Variants in DCC observed in about 807,000 individuals in gnomAD.
DCC encodes netrin receptor DCC.
Under a neutral mutation model 172.5 loss-of-function variants are expected in DCC, and 58 were observed. The observed-to-expected ratio is 0.34, with a 90% CI of 0.27 to 0.42. The LOEUF (loss-of-function observed/expected upper bound fraction) is 0.42, where lower values mean the gene tolerates loss of function less well. Among genes scored for constraint, DCC ranks in the 10% least tolerant of loss-of-function variants. The pLI is 1.00. For missense variants in DCC, 1,740 were observed against 1,791.0 expected, an observed-to-expected ratio of 0.97 and a Z score of 0.51; for synonymous variants, 709 against 644.5, an observed-to-expected ratio of 1.10 and a Z score of -1.52.
At chr18:53,481,989 G>T (rs180989091) in intron 25 of DCC, among the ~76,000 whole-genome samples, 2 of 152,068 alleles carry the variant, frequency 1.3e-5, no homozygotes, top group African/African-American at 4.8e-5. Flanking sequence ...TGATGATATC[G>T]CTCTCTGAGC....
At chr18:53,259,774 G>A (rs1393100690) in intron 12 of DCC, among the ~76,000 whole-genome samples, 3 of 152,118 alleles carry the variant, frequency 2.0e-5, no homozygotes, top group African/African-American at 7.2e-5. Context: ...GTAGATTGGG[G>A]AAGTTCTCCT....
chr18:53,427,600 G>C (rs1911060469), intron 21 of DCC, among the ~76,000 whole-genome samples: 1 of 151,294 alleles, frequency 6.6e-6, no homozygotes, highest in African/African-American at 2.4e-5. Flanking sequence ...ACATAGGTTA[G>C]AACTTATCAT....
At chr18:53,160,077 G>A (rs1011568505) in intron 8 of DCC, among the ~76,000 whole-genome samples, 1 of 152,032 alleles carries the variant, frequency 6.6e-6, no homozygotes, top group Admixed American at 6.6e-5. Flanking sequence ...CTATGTTTGG[G>A]TGAACCATTT....
chr18:52,577,591 A>G (rs896982352), intron 1 of DCC, among the ~76,000 whole-genome samples: 2 of 152,126 alleles, frequency 1.3e-5, no homozygotes, highest in Admixed American at 6.6e-5. Context: ...TCTTTTCTAG[A>G]TAAAGTCTTG....
intron 15 of DCC, among the ~76,000 whole-genome samples, chr18:53,347,456 T>A (rs2057738884): frequency 6.6e-6 from 1 of 152,168 alleles, no homozygotes; most frequent in Admixed American, 6.6e-5. Context: ...AAACTCACAG[T>A]CCCATTTTAA....
rs372513775 is a variant in DCC, at chr18:52,504,849, G to A, written c.91+163971G>A. 7.9e-5 allele frequency among the ~76,000 whole-genome samples: 12 copies of A among 151,930 alleles called. No homozygotes were observed. The East Asian group carries it at 2.3e-3, about 29-fold the overall frequency. The stretch of plus-strand genomic sequence containing the variant: ...TCTCACAACTTAAATCCCACGCACT[G>A]TCTACAGCAATCCGACAATTCTGGT... On this transcript the variant is annotated intron_variant, in intron 1 of 28. Coordinates refer to ENST00000442544, the MANE Select transcript of DCC (RefSeq NM_005215.4).
intron 5 of DCC, among the ~76,000 whole-genome samples, chr18:52,989,599 C>T (rs377002629): frequency 1.3e-5 from 2 of 152,150 alleles, no homozygotes; most frequent in South Asian, 2.1e-4. Context: ...TTGCACCTTG[C>T]CTCATTTTCT....
chr18:52,935,269 C>A (rs2040365646), intron 5 of DCC, among the ~76,000 whole-genome samples: 1 of 151,790 alleles, frequency 6.6e-6, no homozygotes, highest in Non-Finnish European at 1.5e-5. Flanking sequence ...ATTTGATGTC[C>A]TTTCATCTTA....
At chr18:53,382,378 C>T (rs1202934895) in intron 15 of DCC, among the ~76,000 whole-genome samples, 1 of 151,958 alleles carries the variant, frequency 6.6e-6, no homozygotes, top group African/African-American at 2.4e-5. Flanking sequence ...TTTGATCTAC[C>T]TAATTGTATT....
Position 53,157,430 on chromosome 18 carries a change from C to T in DCC, c.1336C>T (p.Arg446Cys), listed in dbSNP as rs543242235. 17 of 1,614,074 alleles carry T rather than the reference C, an allele frequency of 1.1e-5. No individual in the cohort carries two copies. The highest frequency in any genetic ancestry group is 3.3e-5 in the Admixed American group (2 of 59,998). ...VPVLVSSRFV[R>C]LSWRPPAEAK... Reference sequence around the variant, plus strand: ...TGTCTTGGTTTCCAGCCGATTTGTCCGTCTCAGCTGGCGCCCACCTGCAGA... The same window carrying T: ...TGTCTTGGTTTCCAGCCGATTTGTCTGTCTCAGCTGGCGCCCACCTGCAGA... Residue 446 changes from arginine to cysteine, a missense_variant, in exon 8 of 29, where the codon CGT becomes TGT. By Grantham distance (180) the Arg-to-Cys change is radical (BLOSUM62 -3). Coordinates refer to ENST00000442544, the MANE Select transcript of DCC (RefSeq NM_005215.4).
At chr18:53,210,438 C>T (rs547095248) in intron 11 of DCC, among the ~76,000 whole-genome samples, 2 of 152,234 alleles carry the variant, frequency 1.3e-5, no homozygotes, top group South Asian at 4.1e-4. Context: ...TTATCTCTAC[C>T]AAAGTGCACT....
At chr18:53,140,698 G>A (rs1216425825) in intron 7 of DCC, among the ~76,000 whole-genome samples, 1 of 151,970 alleles carries the variant, frequency 6.6e-6, no homozygotes, top group Non-Finnish European at 1.5e-5. Flanking sequence ...ATTGATTTTT[G>A]TATAAAGACT....
intron 5 of DCC, among the ~76,000 whole-genome samples, chr18:53,054,464 A>C (rs58696550): frequency 6.6e-6 from 1 of 152,120 alleles, no homozygotes; most frequent in African/African-American, 2.4e-5. Flanking sequence ...TCCAGCCACT[A>C]TATTAACAAA....
chr18:53,158,864 G>A (rs1036852017), intron 8 of DCC, among the ~76,000 whole-genome samples: 22 of 151,410 alleles, frequency 1.5e-4, no homozygotes, highest in Admixed American at 4.6e-4. Context: ...ATGGTGGCGC[G>A]CACCTGTCAT....
rs1246300498 is a variant in DCC, at chr18:52,492,799, C to T, written c.91+151921C>T. Among the ~76,000 whole-genome samples the T allele has an allele frequency of 5.3e-5, 8 of 152,044 alleles. No individual in the cohort carries two copies. In the South Asian group the frequency reaches 1.4e-3, roughly 28 times the overall value. On this transcript the variant is annotated intron_variant, in intron 1 of 28. Coordinates refer to ENST00000442544, the MANE Select transcript of DCC (RefSeq NM_005215.4). ...ACGAAGGTACAAGGTAGAGTATGTA[C>T]ACCCAGGATTTGGCTTTTGCCAGAC...
chr18:53,073,673 T>G (rs188145130), intron 7 of DCC, among the ~76,000 whole-genome samples: 315 of 152,136 alleles, frequency 2.1e-3, no homozygotes, highest in Non-Finnish European at 3.5e-3. Flanking sequence ...GCATTATCAA[T>G]TATCTGTCCT....
intron 14 of DCC, among the ~76,000 whole-genome samples, chr18:53,325,225 T>A (rs959949010): frequency 6.7e-6 from 1 of 148,818 alleles, no homozygotes; most frequent in African/African-American, 2.5e-5. Flanking sequence ...AAAAGTTTTA[T>A]GCTTTGAGGT....
rs373874300 is a variant in DCC at position 52,379,840 on chromosome 18, T to C, written c.91+38962T>C. ...CTCTTACCCTTGACTTGAAACCTTC[T>C]TGAGGTCCTCACATTTATATAATGT... On this transcript the variant is annotated intron_variant, in intron 1 of 28. Transcript: ENST00000442544. Among the ~76,000 whole-genome samples the C allele has an allele frequency of 1.4e-4, 22 of 152,294 alleles. 2 individuals carry two copies. In the East Asian group the frequency reaches 1.5e-3, roughly 11 times the overall value.
chr18:52,549,887 G>A (rs956913582), intron 1 of DCC, among the ~76,000 whole-genome samples: 1 of 150,418 alleles, frequency 6.6e-6, no homozygotes, highest in Middle Eastern at 3.2e-3. Flanking sequence ...GAAGAATTTT[G>A]AATAATCTAA....
Sources: allele counts gnomAD v4.1 joint callset (sites outside exome capture counted in the v4.1 genomes callset), GRCh38; gene constraint gnomAD v4.1.1; transcripts MANE v1.5; gene names NCBI Gene and HGNC (gene_info 2026-07-23, HGNC 2026-07-21).